ATN1: variants seen among roughly 807,000 people sequenced by gnomAD.
ATN1 encodes the protein atrophin 1, also known as atrophin-1.
ATN1 carries 19 observed loss-of-function variants against 85.8 expected under a neutral mutation model. The ratio of observed to expected loss-of-function variants is 0.22; its 90% CI spans 0.15 to 0.32. The LOEUF is 0.32. ATN1 is among the 10% of genes least tolerant of loss of function. The pLI, the probability that ATN1 is intolerant of heterozygous loss-of-function variation, is 1.00. For synonymous variants in ATN1, 674 were observed against 657.0 expected (o/e 1.03, Z -0.39); for missense variants, 1,453 against 1,564.5 (o/e 0.93, Z 1.20).
In ATN1 at chr12:6,938,561, C is replaced by T. The variant is rs782817825; in HGVS notation, c.2598C>T (p.Gly866=). The T allele has an allele frequency of 1.9e-6, 3 of 1,614,228 alleles. No individual in the cohort carries two copies. The highest frequency in any genetic ancestry group is 2.2e-5 in the South Asian group (2 of 91,090). Residue 866 remains glycine (G), a synonymous_variant, in exon 7 of 10, where the codon GGC becomes GGT. Coordinates refer to ENST00000396684, the MANE Select transcript of ATN1 (RefSeq NM_001940.4). ...CCCATCGCCCTCCATTTGAACCGGG[C>T]AGTGCGGTGGCTACAGTGCCCCCCT... The part of the protein sequence containing the change: ...PVPHRPPFEP[G]SAVATVPPYL...
chr12:6,940,930 C>T lies in ATN1; in HGVS notation c.3265C>T (p.Leu1089Phe). 1.2e-6 allele frequency: 2 copies of T among 1,614,232 alleles called. No individual in the cohort carries two copies. Among genetic ancestry groups the T allele is most frequent in the Non-Finnish European group, 1.7e-6 (2 of 1,180,034 alleles). ...LIDPLASGSH[L>F]TRIPYPAGTL... The stretch of plus-strand genomic sequence containing the variant: ...TGACCCCCTGGCCTCAGGGTCTCAC[C>T]TTACCCGGATCCCCTACCCAGCTGG... The change falls in exon 8 of 10, where the codon CTT becomes TTT. Residue 1089 changes from leucine to phenylalanine, a missense_variant. This residue lies in a region of ATN1 where 118 missense variants were observed against 163.7 expected (regional missense o/e 0.72). Coordinates refer to ENST00000396684, the MANE Select transcript of ATN1 (RefSeq NM_001940.4).
chr12:6,934,474 G>A lies in ATN1; in HGVS notation c.175G>A (p.Val59Ile). The A allele has an allele frequency of 6.3e-7, 1 of 1,592,810 alleles. No homozygotes were observed. Among genetic ancestry groups the A allele is most frequent in the South Asian group, 1.1e-5 (1 of 88,412 alleles). Residue 59 changes from valine (V) to isoleucine (I), a missense_variant, in exon 4 of 10, where the codon GTA (valine) becomes ATA (isoleucine). By Grantham distance (29) the Val-to-Ile change is conservative (BLOSUM62 3). Transcript: ENST00000396684. The surrounding 1 kb of genome is among the most constrained non-coding windows in gnomAD (Gnocchi z 4.5). Reference protein sequence around the residue: ...KSRQTAKKARVEEASTPKVNK... With the variant: ...KSRQTAKKARIEEASTPKVNK... The stretch of plus-strand genomic sequence containing the variant: ...TCTTTCTCTCTAACAGAAGGCCCGA[G>A]TAGAGGAAGCCTCCACCCCAAAGGT...
At chr12:6,929,556 G>A (rs1231934256) in intron 1 of ATN1, among the ~76,000 whole-genome samples, 5 of 152,150 alleles carry the variant, frequency 3.3e-5, no homozygotes, top group Non-Finnish European at 5.9e-5. Context: ...GGTTGGGGGG[G>A]CTTCGAATGT....
Position 6,937,244 on chromosome 12 carries a change from C to T in ATN1, c.1977C>T (p.Pro659=). The change falls in exon 5 of 10, where the codon CCC becomes CCT. Residue 659 remains proline, a synonymous_variant. Transcript: ENST00000396684. This position sits in a 1 kb window ranked among gnomAD's most constrained non-coding sequence, Gnocchi z 6.0. ...CAGCCACCCCACCCGGATACAAACC[C>T]GGGTCGCCTCCCTCCTTCCGAACGG... ...YKTATPPGYK[P]GSPPSFRTGT... 2.5e-6 allele frequency: 4 copies of T among 1,611,774 alleles called. No homozygotes were observed. Among genetic ancestry groups the T allele is most frequent in the East Asian group, 4.5e-5 (2 of 44,836 alleles).
intron 1 of ATN1, among the ~76,000 whole-genome samples, chr12:6,930,739 TGAGCC>T (rs1235155170): frequency 6.6e-6 from 1 of 152,036 alleles, no homozygotes; most frequent in East Asian, 1.9e-4. Context: ...GAGCTTGCAG[TGAGCC>T]GAGCCGAGAT....
In ATN1 at chr12:6,941,069, G is replaced by C; in HGVS notation, c.3358+46G>C. 6.2e-7 allele frequency: 1 copy of C among 1,600,572 alleles called. No homozygotes were observed. The highest frequency in any genetic ancestry group is 8.5e-7 in the Non-Finnish European group (1 of 1,169,840). On this transcript the variant is annotated intron_variant, in intron 8 of 9. Transcript: ENST00000396684. The surrounding 1 kb of genome is among the most constrained non-coding windows in gnomAD (Gnocchi z 5.9). ...AGGCAGCTCCAATGAGAAAAGGGCAGAAAGGAGGTATTTGGGTGGGGGGAT... is the reference window on the plus strand; with the variant it reads ...AGGCAGCTCCAATGAGAAAAGGGCACAAAGGAGGTATTTGGGTGGGGGGAT...
chr12:6,932,999 C>T (rs1261918391), intron 1 of ATN1, among the ~76,000 whole-genome samples: 1 of 152,116 alleles, frequency 6.6e-6, no homozygotes, highest in Non-Finnish European at 1.5e-5. Flanking sequence ...TTGAAGTCAC[C>T]GACATGGGTT....
chr12:6,924,748 C>A (rs1251440077), upstream of ATN1, among the ~76,000 whole-genome samples: 4 of 152,232 alleles, frequency 2.6e-5, no homozygotes, highest in African/African-American at 9.6e-5. Context: ...TTTCTCCTGG[C>A]GACCCTTTAT....
At chr12:6,931,409 G>GAAAAAAA (rs781985905) in intron 1 of ATN1, among the ~76,000 whole-genome samples, 1 of 53,548 alleles carries the variant, frequency 1.9e-5, no homozygotes, top group Non-Finnish European at 3.6e-5. Context: ...AGCTGTAGTT[G>GAAAAAAA]AAAAAAAAAA....
upstream of ATN1, among the ~76,000 whole-genome samples, chr12:6,926,842 T>A (rs1945403687): frequency 2.6e-5 from 4 of 152,130 alleles, no homozygotes; most frequent in South Asian, 8.3e-4. Flanking sequence ...CTTGTTCAGC[T>A]TACATTTCCT....
Position 6,941,450 on chromosome 12 carries a change from A to C in ATN1, c.3435A>C (p.Ala1145=), listed in dbSNP as rs782733451. Residue 1145 remains alanine, a synonymous_variant, in exon 9 of 10, where the codon GCA becomes GCC. Transcript: ENST00000396684. This position sits in a 1 kb window ranked among gnomAD's most constrained non-coding sequence, Gnocchi z 5.9. ...SAAHQLQAMH[A]QSAELQRLAL... is the part of the protein sequence containing the mutation. ...CTCATCAGCTGCAGGCCATGCACGC[A>C]CAGTCAGCTGAGCTGCAGCGCTTGG... 6.2e-7 allele frequency: 1 copy of C among 1,612,782 alleles called. No homozygotes were observed. Among genetic ancestry groups the C allele is most frequent in the East Asian group, 2.2e-5 (1 of 44,868 alleles).
Position 6,936,526 on chromosome 12 carries a change from T to C in ATN1, c.1259T>C (p.Val420Ala). 1 of 1,483,324 alleles carries C rather than the reference T, an allele frequency of 6.7e-7. No homozygotes were observed. Among genetic ancestry groups the C allele is most frequent in the Non-Finnish European group, 9.0e-7 (1 of 1,107,440 alleles). The allele number at this position is 1,483,324 out of a possible 1,614,324, so 91.9% of individuals were successfully genotyped here. Residue 420 changes from valine (V) to alanine (A), a missense_variant, in exon 5 of 10, where the codon GTC (valine) becomes GCC (alanine). By Grantham distance (64) the Val-to-Ala change is moderately conservative. This residue lies in a region of ATN1 where 990 missense variants were observed against 914.8 expected (regional missense o/e 1.08). Transcript: ENST00000396684. ...HSFPPPTSLS[V>A]SNQPPKYTQP... ...TTCCCTCCCCCAACAAGCCTCTCTG[T>C]CTCCAATCAGCCCCCCAAGTATACT...
chr12:6,928,213 G>A lies in ATN1; in HGVS notation c.-334G>A, dbSNP rs1184621285. On this transcript the variant is annotated 5_prime_UTR_variant, in exon 1 of 10. Coordinates refer to ENST00000396684, the MANE Select transcript of ATN1 (RefSeq NM_001940.4). ...CGATTGGGGCCAGGCGGGGAAAAGGGGGGATGGGGGCCGCCCTCCGGGGGG... is the reference window on the plus strand; with the variant it reads ...CGATTGGGGCCAGGCGGGGAAAAGGAGGGATGGGGGCCGCCCTCCGGGGGG... The A allele has an allele frequency of 1.4e-5, 2 of 147,810 alleles. No homozygotes were observed. The highest frequency in any genetic ancestry group is 3.0e-5 in the Non-Finnish European group (2 of 66,082). 9.2% of individuals were successfully genotyped at this position (147,810 alleles called of 1,614,324 possible).
rs1232338644 is a variant in ATN1, at chr12:6,938,087, C to T, written c.2517+20C>T. The T allele has an allele frequency of 1.4e-5, 21 of 1,531,244 alleles. No individual in the cohort carries two copies. The highest frequency in any genetic ancestry group is 1.8e-6 in the Non-Finnish European group (2 of 1,140,378). 94.9% of individuals were successfully genotyped at this position (1,531,244 alleles called of 1,614,324 possible). ...AGCGTGGTGAGTGCGTCACTGCCTG[C>T]GCCACCGCCTTCTTTCCCTCTTTCC... On this transcript the variant is annotated intron_variant, in intron 6 of 9. Transcript: ENST00000396684.
At chr12:6,929,906 C>G (rs1171314203) in intron 1 of ATN1, among the ~76,000 whole-genome samples, 1 of 152,202 alleles carries the variant, frequency 6.6e-6, no homozygotes, top group East Asian at 1.9e-4. Context: ...CTCTTTGAGC[C>G]TCCCTTCTTG....
At position 6,938,838 on chromosome 12, in the gene ATN1, C is replaced by T; in HGVS notation, c.2875C>T (p.Pro959Ser). The change falls in exon 7 of 10, where the codon CCC (proline) becomes TCC (serine). Residue 959 changes from proline to serine, a missense_variant. Pro to Ser is a moderately conservative substitution (Grantham distance 74). This residue lies in a region of ATN1 where 208 missense variants were observed against 263.4 expected (regional missense o/e 0.79). Coordinates refer to ENST00000396684, the MANE Select transcript of ATN1 (RefSeq NM_001940.4). ...TGAGGTGAAGCCTAGTGAGCTGGAA[C>T]CCCTACATGGGGTCCCTGGGCCGGG... ...GFEVKPSELE[P>S]LHGVPGPGLD... 6.2e-7 allele frequency: 1 copy of T among 1,614,190 alleles called. No homozygotes were observed.
chr12:6,937,795 C>T lies in ATN1; in HGVS notation c.2295-50C>T, dbSNP rs1381027516. 1.0e-5 allele frequency: 15 copies of T among 1,503,064 alleles called. No individual in the cohort carries two copies. In the African/African-American group the frequency reaches 1.5e-4, roughly 15 times the overall value. The allele number at this position is 1,503,064 out of a possible 1,614,324, so 93.1% of individuals were successfully genotyped here. ...GCCGGGGCCGCGGCGCTGCGGGCTC[C>T]ATCGGGCAGCTCGCACCGCCTGAGC... is the stretch of plus-strand genomic sequence containing the variant. On this transcript the variant is annotated intron_variant, in intron 5 of 9. Coordinates refer to ENST00000396684, the MANE Select transcript of ATN1 (RefSeq NM_001940.4). The surrounding 1 kb of genome is among the most constrained non-coding windows in gnomAD (Gnocchi z 6.0).
Position 6,938,330 on chromosome 12 carries a change from G to T in ATN1, c.2518-151G>T. The T allele has an allele frequency of 3.1e-6, 4 of 1,304,520 alleles. No individual in the cohort carries two copies. In the South Asian group the frequency reaches 6.2e-5, roughly 20 times the overall value. The allele number at this position is 1,304,520 out of a possible 1,614,324, so 80.8% of individuals were successfully genotyped here. ...GATCCCAAGAAGGGCAAATATTCGG[G>T]AGCGGGGGCCGCAGTTAAGTTCCAG... On this transcript the variant is annotated intron_variant, in intron 6 of 9. Coordinates refer to ENST00000396684, the MANE Select transcript of ATN1 (RefSeq NM_001940.4).
In ATN1 at chr12:6,928,167, T is replaced by A. The variant is rs1361950567; in HGVS notation, c.-380T>A. ...GTGGGGAGCAGAGCGGGGATCGGGG[T>A]TTGCTCCGGGGGCCGGCGGGCGATT... On this transcript the variant is annotated 5_prime_UTR_variant, in exon 1 of 10. Transcript: ENST00000396684. 1 of 135,098 alleles carries A rather than the reference T, an allele frequency of 7.4e-6. No homozygotes were observed. The highest frequency in any genetic ancestry group is 2.8e-5 in the African/African-American group (1 of 36,114). The allele number at this position is 135,098 out of a possible 1,614,324, so 8.4% of individuals were successfully genotyped here. A position where few individuals can be genotyped will look rare whatever the true frequency, so the allele number is the denominator to read the frequency against.
Sources: gnomAD v4.1 joint callset for allele counts (sites outside exome capture counted in the v4.1 genomes callset) on GRCh38, gnomAD v4.1.1 for gene constraint, gnomAD v4.1.1 regional missense constraint, Gnocchi (gnomAD v3.1) non-coding constraint, MANE v1.5 for transcripts, NCBI Gene and HGNC (gene_info 2026-07-23, HGNC 2026-07-21) for gene names.